Variants in ELK3 observed in about 807,000 individuals in gnomAD.
ELK3 encodes ETS transcription factor ELK3, also known as ETS domain-containing protein Elk-3.
In ELK3, 10 loss-of-function variants were observed where a neutral mutation model predicts 28.9. The ratio of observed to expected loss-of-function variants is 0.35; its 90% CI spans 0.21 to 0.59. The LOEUF is 0.59. Ranked by LOEUF, ELK3 falls within the 20% of genes least tolerant of loss-of-function variation. The pLI is 0.82. For missense variants in ELK3, 463 were observed against 517.3 expected (o/e 0.90, Z 1.02); for synonymous variants, 272 against 243.5 (o/e 1.12, Z -1.09).
intron 3 of ELK3, among the ~76,000 whole-genome samples, chr12:96,254,478 C>T (rs1951931969): frequency 6.6e-6 from 1 of 152,100 alleles, no homozygotes. Flanking sequence ...GCCATGACAA[C>T]AAGGCATTAC....
At chr12:96,225,527 C>T (rs1449757607) in intron 2 of ELK3, among the ~76,000 whole-genome samples, 1 of 152,236 alleles carries the variant, frequency 6.6e-6, no homozygotes, top group Non-Finnish European at 1.5e-5. Flanking sequence ...GTCTAAGGTG[C>T]TGTGCTGAGC....
intron 4 of ELK3, among the ~76,000 whole-genome samples, chr12:96,265,690 A>C (rs919696395): frequency 5.9e-5 from 9 of 152,206 alleles, no homozygotes; most frequent in African/African-American, 9.7e-5. Flanking sequence ...AAATAAAATA[A>C]ATAAATAAAT....
chr12:96,199,838 T>C (rs1283867186), intron 1 of ELK3, among the ~76,000 whole-genome samples: 12 of 152,178 alleles, frequency 7.9e-5, no homozygotes, highest in African/African-American at 2.9e-4. Flanking sequence ...TGGCTTTACT[T>C]GTATATTTTT....
chr12:96,210,561 G>GCGCGCACACACACACA (rs1555193024), intron 1 of ELK3, among the ~76,000 whole-genome samples: 9 of 144,750 alleles, frequency 6.2e-5, no homozygotes, highest in Admixed American at 1.4e-4. Context: ...GCGCGCGGGC[G>GCGCGCACACACACACA]CACGCACACA....
At chr12:96,210,848 A>G (rs1272466513) in intron 1 of ELK3, among the ~76,000 whole-genome samples, 2 of 152,238 alleles carry the variant, frequency 1.3e-5, no homozygotes, top group Admixed American at 6.5e-5. Flanking sequence ...GAAATGAACA[A>G]GGAAATGTCC....
rs143284543 is a variant in ELK3, at chr12:96,263,147, T to C, written c.1125+3294T>C. ...GGGTAATAGTTGAACAGCTGAAGCA[T>C]TTTTGTACAGAAGGGCCCCTAATAT... On this transcript the variant is annotated intron_variant, in intron 4 of 4. Coordinates refer to ENST00000228741, the MANE Select transcript of ELK3 (RefSeq NM_005230.4). Among the ~76,000 whole-genome samples, 643 of 152,312 alleles carry C rather than the reference T, an allele frequency of 4.2e-3. 3 individuals are homozygous for C. Among genetic ancestry groups the C allele is most frequent in the Middle Eastern group, 0.01 (3 of 294 alleles).
rs1257540346 is a variant in ELK3 at position 96,267,116 on chromosome 12, C to T, written c.1160C>T (p.Pro387Leu). Residue 387 changes from proline (P) to leucine (L), a missense_variant, in exon 5 of 5, where the codon CCA becomes CTA. Physicochemically the swap from Pro to Leu is moderately conservative, Grantham distance 98. Transcript: ENST00000228741. Reference sequence around the variant, plus strand: ...CTGCTTAATGGCCACATGCCAGTGCCAATCCCCAGTCTGGACAGAGCTGCT... The same window carrying T: ...CTGCTTAATGGCCACATGCCAGTGCTAATCCCCAGTCTGGACAGAGCTGCT... ...PTLLNGHMPV[P>L]IPSLDRAASP... The T allele has an allele frequency of 1.9e-6, 3 of 1,613,534 alleles. No homozygotes were observed. In the Admixed American group the frequency reaches 5.0e-5, roughly 27 times the overall value.
chr12:96,205,314 G>A (rs1472668973), intron 1 of ELK3, among the ~76,000 whole-genome samples: 2 of 152,200 alleles, frequency 1.3e-5, no homozygotes, highest in Non-Finnish European at 2.9e-5. Context: ...TTGGGACTGT[G>A]TGTGAGGTGC....
At chr12:96,245,500 C>A (rs538584758) in intron 2 of ELK3, among the ~76,000 whole-genome samples, 38 of 152,218 alleles carry the variant, frequency 2.5e-4, no homozygotes, top group Admixed American at 3.9e-4. Context: ...TTATGTACAA[C>A]CCCTGGTACA....
At chr12:96,199,113 C>T (rs1161830890) in intron 1 of ELK3, among the ~76,000 whole-genome samples, 1 of 152,180 alleles carries the variant, frequency 6.6e-6, no homozygotes. Context: ...AAGGATGAGT[C>T]ATGATTTGCA....
chr12:96,209,452 C>T (rs548213117), intron 1 of ELK3, among the ~76,000 whole-genome samples: 85 of 152,238 alleles, frequency 5.6e-4, no homozygotes, highest in Non-Finnish European at 9.7e-4. Context: ...GTGGAAAAAC[C>T]GCCATCATTT....
chr12:96,259,533 G>A (rs960115857), intron 3 of ELK3, among the ~76,000 whole-genome samples, 198 bp from the exon 4 acceptor site: 1 of 152,134 alleles, frequency 6.6e-6, no homozygotes, highest in African/African-American at 2.4e-5. Context: ...GTGACAGAGC[G>A]AGACTGTCTC....
intron 3 of ELK3, among the ~76,000 whole-genome samples, chr12:96,250,820 G>C (rs900907897): frequency 1.3e-5 from 2 of 152,162 alleles, no homozygotes; most frequent in African/African-American, 4.8e-5. Context: ...TTTGGAAGAG[G>C]TGAAAGCTGT....
intron 1 of ELK3, among the ~76,000 whole-genome samples, chr12:96,203,583 G>T (rs1454395861): frequency 2.0e-5 from 3 of 152,208 alleles, no homozygotes; most frequent in African/African-American, 7.2e-5. Flanking sequence ...TTGTTGCTAT[G>T]CATATGTCCA....
rs1420962288 is a variant in ELK3, at chr12:96,259,771, C to G, written c.1043C>G (p.Ser348Cys). ...GLLLTPSPLL[S>C]SIHFWSSLSP... is the part of the protein sequence containing the mutation. ...CTTCTGACTCCGAGTCCACTGCTCTCCAGCATACATTTCTGGAGCAGCCTT... is the reference window on the plus strand; with the variant it reads ...CTTCTGACTCCGAGTCCACTGCTCTGCAGCATACATTTCTGGAGCAGCCTT... Residue 348 changes from serine (S) to cysteine (C), a missense_variant, in exon 4 of 5, where the codon TCC (serine) becomes TGC (cysteine). This residue lies in a region of ELK3 where 408 missense variants were observed against 414.8 expected (regional missense o/e 0.98). Transcript: ENST00000228741. The G allele has an allele frequency of 6.2e-7, 1 of 1,611,460 alleles. No individual in the cohort carries two copies. The highest frequency in any genetic ancestry group is 8.5e-7 in the Non-Finnish European group (1 of 1,179,174).
chr12:96,200,300 C>T (rs1410829784), intron 1 of ELK3, among the ~76,000 whole-genome samples: 4 of 152,114 alleles, frequency 2.6e-5, no homozygotes, highest in Non-Finnish European at 5.9e-5. Flanking sequence ...GAGACCTTCT[C>T]TTAAGACTGA....
At chr12:96,251,374 C>G (rs752502528) in intron 3 of ELK3, among the ~76,000 whole-genome samples, 2 of 152,114 alleles carry the variant, frequency 1.3e-5, no homozygotes, top group Non-Finnish European at 2.9e-5. Context: ...TTGGGTCTCC[C>G]TATTCCCTGA....
chr12:96,239,446 T>C (rs1951805640), intron 2 of ELK3, among the ~76,000 whole-genome samples: 1 of 152,166 alleles, frequency 6.6e-6, no homozygotes, highest in Non-Finnish European at 1.5e-5. Flanking sequence ...TGGTGGACAG[T>C]TGGATATAAC....
intron 3 of ELK3, among the ~76,000 whole-genome samples, chr12:96,253,864 G>C (rs1198040788): frequency 6.6e-6 from 1 of 152,208 alleles, no homozygotes; most frequent in Non-Finnish European, 1.5e-5. Context: ...TAGATACCTG[G>C]AGATACAGAG....
Sources: allele counts gnomAD v4.1 joint callset (sites outside exome capture counted in the v4.1 genomes callset), GRCh38; gene constraint gnomAD v4.1.1; regional missense constraint gnomAD v4.1.1; transcripts MANE v1.5; gene names NCBI Gene and HGNC (gene_info 2026-07-23, HGNC 2026-07-21).